RECQL4: variants seen among roughly 807,000 people sequenced by gnomAD.
The protein encoded by RECQL4 is RecQ like helicase 4, also known as ATP-dependent DNA helicase Q4.
Under a neutral mutation model 128.6 loss-of-function variants are expected in RECQL4, and 158 were observed. The observed-to-expected ratio is 1.23, with a 90% CI of 1.08 to 1.40. RECQL4 has a LOEUF of 1.40. Among genes scored for constraint, RECQL4 ranks in the 40% most tolerant of loss-of-function variants. RECQL4 has a pLI of 0.00. For missense variants in RECQL4, 2,293 were observed against 1,649.8 expected (o/e 1.39, Z -6.75); for synonymous variants, 996 against 678.9 (o/e 1.47, Z -7.26).
Position 144,511,363 on chromosome 8 carries a change from A to G in RECQL4, c.*68T>C. The G allele has an allele frequency of 6.3e-7, 1 of 1,591,690 alleles. No individual in the cohort carries two copies. The highest frequency in any genetic ancestry group is 1.3e-5 in the African/African-American group (1 of 74,588). ...CCACACCCTGTGGCAGGTTTTGCCC[A>G]GGTCCTCAGTCACTGCCCTAGCCTC... On this transcript the variant is annotated 3_prime_UTR_variant, in exon 21 of 21. Coordinates refer to ENST00000617875, the MANE Select transcript of RECQL4 (RefSeq NM_004260.4).
At chr8:144,514,383 G>A (rs776094419) in intron 10 of RECQL4, 21 bp from the exon 11 acceptor site, 7 of 1,599,508 alleles carry the variant, frequency 4.4e-6, no homozygotes, top group South Asian at 2.2e-5. Flanking sequence ...CAAGATCAGA[G>A]GCACAGCCCA....
chr8:144,511,354 G>T lies in RECQL4; in HGVS notation c.*77C>A. On this transcript the variant is annotated 3_prime_UTR_variant, in exon 21 of 21. Transcript: ENST00000617875. ...TCCTCGTTCCCACACCCTGTGGCAG[G>T]TTTTGCCCAGGTCCTCAGTCACTGC... is the stretch of plus-strand genomic sequence containing the variant. The T allele has an allele frequency of 6.3e-7, 1 of 1,589,252 alleles. No individual in the cohort carries two copies. Among genetic ancestry groups the T allele is most frequent in the Non-Finnish European group, 8.6e-7 (1 of 1,161,976 alleles).
Position 144,513,641 on chromosome 8 carries a change from G to A in RECQL4, c.2130C>T (p.Arg710=), listed in dbSNP as rs757037180. The A allele has an allele frequency of 2.5e-5, 39 of 1,586,216 alleles. No individual in the cohort carries two copies. The highest frequency in any genetic ancestry group is 3.3e-5 in the Non-Finnish European group (38 of 1,166,904). ...GCGCAGCGATCCGCTCTGTGTCCTC[G>A]CGCCGGTTGCAGTAAATGATAATGG... ...LDSIIIYCNR[R]EDTERIAALL... Residue 710 remains arginine (R), a synonymous_variant, in exon 13 of 21, where the codon CGC becomes CGT. Coordinates refer to ENST00000617875, the MANE Select transcript of RECQL4 (RefSeq NM_004260.4).
intron 8 of RECQL4, 25 bp from the exon 9 acceptor site, chr8:144,515,097 A>G: frequency 6.3e-7 from 1 of 1,590,690 alleles, no homozygotes; most frequent in Non-Finnish European, 8.5e-7. Flanking sequence ...AGTCAGCAGC[A>G]GGGTTCTGCA....
At chr8:144,515,911 A>C (rs1442643897) in intron 5 of RECQL4, 21 bp from the exon 6 acceptor site, 1 of 1,612,506 alleles carries the variant, frequency 6.2e-7, no homozygotes, top group South Asian at 1.1e-5. Flanking sequence ...CCCACATAGG[A>C]GGGTCACTGG....
chr8:144,513,184 G>C, intron 14 of RECQL4, 34 bp downstream of exon 14: 1 of 1,059,168 alleles, frequency 9.4e-7, no homozygotes, highest in Non-Finnish European at 1.3e-6. Context: ...CTGGGGGCTC[G>C]AGCACTGGCA....
rs540385009 is a variant in RECQL4 at position 144,515,211 on chromosome 8, C to T, written c.1422G>A (p.Glu474=). 2 of 1,575,582 alleles carry T rather than the reference C, an allele frequency of 1.3e-6. No homozygotes were observed. Among genetic ancestry groups the T allele is most frequent in the African/African-American group, 2.7e-5 (2 of 74,040 alleles). The stretch of plus-strand genomic sequence containing the variant: ...GGCGAAAGGCTTGGTGCCCCAGCTG[C>T]TCCAGGGCCTGGAACACCTCAGCCG... ...ETPAEVFQAL[E]QLGHQAFRPG... Residue 474 remains glutamate, a synonymous_variant, in exon 8 of 21, where the codon GAG becomes GAA. Coordinates refer to ENST00000617875, the MANE Select transcript of RECQL4 (RefSeq NM_004260.4).
chr8:144,516,175 G>A lies in RECQL4; in HGVS notation c.944C>T (p.Ser315Leu), dbSNP rs376493359. The change falls in exon 5 of 21, where the codon TCG becomes TTG. Residue 315 changes from serine (S) to leucine (L), a missense_variant. Coordinates refer to ENST00000617875, the MANE Select transcript of RECQL4 (RefSeq NM_004260.4). ...AQPPQPCSSP[S>L]NPRYHGLSPS... ...GCTGAGTCCGTGGTACCTGGGGTTC[G>A]ATGGGCTGCTGCAGGGCTGAGGTGG... 58 of 1,613,458 alleles carry A rather than the reference G, an allele frequency of 3.6e-5. No homozygotes were observed. In the African/African-American group the frequency reaches 5.2e-4, roughly 14 times the overall value.
Position 144,517,057 on chromosome 8 carries a change from G to A in RECQL4, c.347C>T (p.Thr116Ile), listed in dbSNP as rs565419066. ...GQRLKANLKG[T>I]LQAGPALGRR... ...TGCCTGCCCACTCCTCACCTGCAGG[G>A]TGCCTTTCAGATTGGCCTTGAGCCG... Residue 116 changes from threonine to isoleucine, a missense_variant, in exon 4 of 21, where the codon ACC (threonine) becomes ATC (isoleucine). Transcript: ENST00000617875. 8 of 1,610,340 alleles carry A rather than the reference G, an allele frequency of 5.0e-6. No homozygotes were observed. The highest frequency in any genetic ancestry group is 1.6e-4 in the Middle Eastern group (1 of 6,078).
chr8:144,514,111 C>T lies in RECQL4; in HGVS notation c.1879-4G>A, dbSNP rs759652449. On this transcript the variant is annotated splice_region_variant and splice_polypyrimidine_tract_variant and intron_variant, in intron 11 of 20. Transcript: ENST00000617875. ...CGCCCATGCGCTCCCGAAGCACCTG[C>T]ACCAGAGGCGGCAGTGGTGTGAGGC... The T allele has an allele frequency of 8.7e-6, 14 of 1,607,854 alleles. No individual in the cohort carries two copies. The Admixed American group carries it at 1.5e-4, about 17-fold the overall frequency.
At position 144,517,446 on chromosome 8, in the gene RECQL4, T is replaced by G; in HGVS notation, c.181A>C (p.Ser61Arg). Reference protein sequence around the residue: ...TTGQAGGGLRSSESLPAAAEE... With the variant: ...TTGQAGGGLRRSESLPAAAEE... ...GCCGCCGCGGGGAGCGACTCGGAGC[T>G]GCGGAGCCCGCCGCCGGCCTGGCCC... The change falls in exon 3 of 21, where the codon AGC becomes CGC. Residue 61 changes from serine to arginine, a missense_variant. Physicochemically the swap from Ser to Arg is moderately radical, Grantham distance 110. Transcript: ENST00000617875. The G allele has an allele frequency of 1.3e-6, 2 of 1,591,644 alleles. No homozygotes were observed. Among genetic ancestry groups the G allele is most frequent in the South Asian group, 2.3e-5 (2 of 88,816 alleles).
At position 144,516,522 on chromosome 8, in the gene RECQL4, T is replaced by C. The variant is rs1348423453; in HGVS notation, c.597A>G (p.Pro199=). The change falls in exon 5 of 21, where the codon CCA becomes CCG. Residue 199 remains proline (P), a synonymous_variant. Coordinates refer to ENST00000617875, the MANE Select transcript of RECQL4 (RefSeq NM_004260.4). ...AGGCTTTGGGGGCCCCCAGAAAATC[T>C]GGGACCTCACTGTGACATCGCTGTA... The part of the protein sequence containing the change: ...GWLQRCHSEV[P]DFLGAPKACR... 1 of 1,609,898 alleles carries C rather than the reference T, an allele frequency of 6.2e-7. No homozygotes were observed. The highest frequency in any genetic ancestry group is 8.5e-7 in the Non-Finnish European group (1 of 1,179,458).
chr8:144,517,367 G>A (rs1248067277), intron 3 of RECQL4, 47 bp downstream of exon 3: 3 of 1,515,294 alleles, frequency 2.0e-6, no homozygotes, highest in East Asian at 2.4e-5. Flanking sequence ...CCGCCACTCC[G>A]CCAAACAGGG....
rs929010850 is a variant in RECQL4, at chr8:144,517,357, C to T, written c.213+57G>A. On this transcript the variant is annotated intron_variant, in intron 3 of 20. Transcript: ENST00000617875. ...CGGCCTGGCCGCGACTCCGTGGCTC[C>T]CGCCACTCCGCCAAACAGGGAAGTG... 1.1e-5 allele frequency: 16 copies of T among 1,503,882 alleles called. No homozygotes were observed. The African/African-American group carries it at 1.4e-4, about 13-fold the overall frequency. The allele number at this position is 1,503,882 out of a possible 1,614,324, so 93.2% of individuals were successfully genotyped here.
rs1301492933 is a variant in RECQL4, at chr8:144,512,865, A to G, written c.2737T>C (p.Leu913=). Residue 913 remains leucine, a synonymous_variant, in exon 15 of 21, where the codon TTG becomes CTG. Coordinates refer to ENST00000617875, the MANE Select transcript of RECQL4 (RefSeq NM_004260.4). ...TCCTCACCCTCCTCCGGCATGTCCA[A>G]AGCCTGTACGGTAAGCTGTATTGGG... ...ALPIQLTVQA[L]DMPEEAIETL... The G allele has an allele frequency of 6.2e-7, 1 of 1,602,054 alleles. No individual in the cohort carries two copies.
Position 144,517,210 on chromosome 8 carries a change from C to A in RECQL4, c.214-20G>T, listed in dbSNP as rs1167139838. 6.3e-7 allele frequency: 1 copy of A among 1,583,884 alleles called. No individual in the cohort carries two copies. The highest frequency in any genetic ancestry group is 8.6e-7 in the Non-Finnish European group (1 of 1,168,758). ...TGGCGCCTGCAGGAGACAACAGGGG[C>A]ACAGGCCAGAAAAGGCTGTTGTGGC... is the stretch of plus-strand genomic sequence containing the variant. On this transcript the variant is annotated intron_variant, in intron 3 of 20. Coordinates refer to ENST00000617875, the MANE Select transcript of RECQL4 (RefSeq NM_004260.4).
chr8:144,516,885 T>C (rs756421109), intron 4 of RECQL4, 121 bp from the exon 5 acceptor site: 104 of 1,380,598 alleles, frequency 7.5e-5, no homozygotes, highest in Non-Finnish European at 1.0e-4. Flanking sequence ...AAGGCTGGAC[T>C]AGAAAGGGAG....
intron 9 of RECQL4, 57 bp from the exon 10 acceptor site, chr8:144,514,582 A>G (rs1009528201): frequency 9.8e-6 from 15 of 1,533,088 alleles, no homozygotes; most frequent in African/African-American, 5.5e-5. Flanking sequence ...CCCTTCCCCA[A>G]GTCATCCCAG....
chr8:144,514,856 G>A (rs371339102), intron 9 of RECQL4, 80 bp downstream of exon 9: 43 of 1,529,750 alleles, frequency 2.8e-5, no homozygotes, highest in Middle Eastern at 2.3e-4. Flanking sequence ...GGTGGTTAGG[G>A]GACAAGCAGC....
Sources: gnomAD v4.1 joint callset for allele counts on GRCh38, gnomAD v4.1.1 for gene constraint, MANE v1.5 for transcripts, NCBI Gene and HGNC (gene_info 2026-07-23, HGNC 2026-07-21) for gene names.